Variants in FMNL1 observed in about 807,000 individuals in gnomAD.
FMNL1 encodes the protein formin like 1, also known as formin-like protein 1.
In FMNL1, 43 loss-of-function variants were observed where a neutral mutation model predicts 121.3. That is an observed-to-expected ratio of 0.35 (90% CI 0.28 to 0.46). FMNL1 has a LOEUF of 0.46. FMNL1 is among the 20% of genes least tolerant of loss of function. The pLI is 1.00. For synonymous variants in FMNL1, 613 were observed against 613.5 expected, an observed-to-expected ratio of 1.00 and a Z score of 0.01; for missense variants, 1,191 against 1,482.4, an observed-to-expected ratio of 0.80 and a Z score of 3.23.
chr17:45,222,440 C>A (rs979446715), intron 1 of FMNL1, among the ~76,000 whole-genome samples, 187 bp downstream of exon 1: 6 of 152,126 alleles, frequency 3.9e-5, no homozygotes, highest in Non-Finnish European at 8.8e-5. Context: ...ACTCTCCCCC[C>A]AAAACTTTCT....
At chr17:45,243,617 T>C (rs150878654) in intron 17 of FMNL1, among the ~76,000 whole-genome samples, 174 bp from the exon 18 acceptor site, 5 of 152,338 alleles carry the variant, frequency 3.3e-5, no homozygotes. Context: ...CAGTTCCCAG[T>C]TTCTCTGGAT....
intron 1 of FMNL1, among the ~76,000 whole-genome samples, chr17:45,227,404 G>C (rs1166587595): frequency 6.6e-6 from 1 of 152,056 alleles, no homozygotes; most frequent in Non-Finnish European, 1.5e-5. Flanking sequence ...GCAGATGCTG[G>C]GGGTCCCCTC....
rs35156005 is a variant in FMNL1 at position 45,237,148 on chromosome 17, TG to T, written c.724-131del. 123,399 of 731,350 alleles carry T rather than the reference TG, an allele frequency of 0.17. 13,312 individuals are homozygous for T. The highest frequency in any genetic ancestry group is 0.44 in the African/African-American group (24,432 of 55,842). The allele number at this position is 731,350 out of a possible 1,614,324, so 45.3% of individuals were successfully genotyped here. A position where few individuals can be genotyped will look rare whatever the true frequency, so the allele number is the denominator to read the frequency against. On this transcript the variant is annotated intron_variant, in intron 7 of 26. Transcript: ENST00000331495. The surrounding 1 kb of genome is among the most constrained non-coding windows in gnomAD (Gnocchi z 4.4). ...AAAAAATAGAAACAAGGCCAGGTTT[TG>T]GTGGCCACAGAAGTTGCGGTTGGAT...
In FMNL1 at chr17:45,241,552, C is replaced by T. The variant is rs1172278494; in HGVS notation, c.1503C>T (p.Ile501=). Reference sequence around the variant, plus strand: ...GGGGGCCGGGGGATGCTGTCTCCATCGAGATCCTCCCCGTCGCTGTGGCAA... The same window carrying T: ...GGGGGCCGGGGGATGCTGTCTCCATTGAGATCCTCCCCGTCGCTGTGGCAA... ...ILRGPGDAVS[I]EILPVAVATP... is the part of the protein sequence containing the mutation. Residue 501 remains isoleucine (I), a synonymous_variant, in exon 14 of 27, where the codon ATC becomes ATT. Transcript: ENST00000331495. The surrounding 1 kb of genome is among the most constrained non-coding windows in gnomAD (Gnocchi z 7.0). 3 of 1,572,130 alleles carry T rather than the reference C, an allele frequency of 1.9e-6. No individual in the cohort carries two copies. Among genetic ancestry groups the T allele is most frequent in the Admixed American group, 1.9e-5 (1 of 53,862 alleles).
At position 45,241,173 on chromosome 17, in the gene FMNL1, G is replaced by T; in HGVS notation, c.1275G>T (p.Lys425Asn). 6.2e-7 allele frequency: 1 copy of T among 1,614,178 alleles called. No individual in the cohort carries two copies. Among genetic ancestry groups the T allele is most frequent in the Non-Finnish European group, 8.5e-7 (1 of 1,179,996 alleles). Reference sequence around the variant, plus strand: ...ACGCGGAGAACGAATCCATGGCCAAGATTGCAGAACTGGAAAAACAGCTAA... The same window carrying T: ...ACGCGGAGAACGAATCCATGGCCAATATTGCAGAACTGGAAAAACAGCTAA... ...LRDAENESMA[K>N]IAELEKQLSQ... is the part of the protein sequence containing the mutation. Residue 425 changes from lysine (K) to asparagine (N), a missense_variant, in exon 13 of 27, where the codon AAG becomes AAT. Around this residue, in one of 4 missense-constraint regions of FMNL1, gnomAD observed 519 missense variants for 492.8 expected, o/e 1.05. Coordinates refer to ENST00000331495, the MANE Select transcript of FMNL1 (RefSeq NM_005892.4). This position sits in a 1 kb window ranked among gnomAD's most constrained non-coding sequence, Gnocchi z 7.0.
chr17:45,234,056 T>C lies in FMNL1; in HGVS notation c.486-16T>C, dbSNP rs772872778. On this transcript the variant is annotated splice_polypyrimidine_tract_variant and intron_variant, in intron 5 of 26. Coordinates refer to ENST00000331495, the MANE Select transcript of FMNL1 (RefSeq NM_005892.4). ...CTGCAGTGTTGGCCTCCAGCCCCAT[T>C]GCATCCTGTCCCCAGGTATGACATG... 1.2e-6 allele frequency: 2 copies of C among 1,613,244 alleles called. No homozygotes were observed. Among genetic ancestry groups the C allele is most frequent in the Non-Finnish European group, 1.7e-6 (2 of 1,179,496 alleles).
rs753733911 is a variant in FMNL1 at position 45,239,002 on chromosome 17, C to T, written c.1017C>T (p.Asn339=). 5 of 1,614,076 alleles carry T rather than the reference C, an allele frequency of 3.1e-6. No individual in the cohort carries two copies. The African/African-American group carries it at 5.3e-5, about 17-fold the overall frequency. ...ACATTGTGGTACATTCGGTGGAGAA[C>T]ATGAACTTCCGTGTCTTCCTGCAAT... ...FINIVVHSVE[N]MNFRVFLQYE... Residue 339 remains asparagine (N), a synonymous_variant, in exon 11 of 27, where the codon AAC becomes AAT. Coordinates refer to ENST00000331495, the MANE Select transcript of FMNL1 (RefSeq NM_005892.4).
At chr17:45,232,341 CTG>C (rs767820564) in intron 2 of FMNL1, 24 bp from the exon 3 acceptor site, 4 of 1,609,730 alleles carry the variant, frequency 2.5e-6, no homozygotes, top group Admixed American at 1.7e-5. Context: ...GGCTGGTTTT[CTG>C]TACACCCCAT....
rs2143548347 is a variant in FMNL1, at chr17:45,241,507, G to A, written c.1458G>A (p.Lys486=). Residue 486 remains lysine (K), a synonymous_variant, in exon 14 of 27, where the codon AAG becomes AAA. Transcript: ENST00000331495. The surrounding 1 kb of genome is among the most constrained non-coding windows in gnomAD (Gnocchi z 7.0). ...LELKVEELEE[K]GLIRILRGPG... ...TGAAGGTGGAGGAGCTGGAGGAGAA[G>A]GGGTTAATCCGTATTCTGCGGGGGC... 1 of 1,581,436 alleles carries A rather than the reference G, an allele frequency of 6.3e-7. No homozygotes were observed. The highest frequency in any genetic ancestry group is 8.6e-7 in the Non-Finnish European group (1 of 1,164,684).
Position 45,243,195 on chromosome 17 carries a change from G to T in FMNL1, c.2088G>T (p.Lys696Asn). 1 of 1,614,216 alleles carries T rather than the reference G, an allele frequency of 6.2e-7. No individual in the cohort carries two copies. The highest frequency in any genetic ancestry group is 1.1e-5 in the South Asian group (1 of 91,086). ...CCAGCCTGGACCTCAGCGCTCTCAA[G>T]AGTAAGGCAGCCCAGAAGGCCCCCA... ...QGPSLDLSAL[K>N]SKAAQKAPSK... The change falls in exon 17 of 27, where the codon AAG becomes AAT. Residue 696 changes from lysine (K) to asparagine (N), a missense_variant. Physicochemically the swap from Lys to Asn is moderately conservative, Grantham distance 94. This residue lies in a region of FMNL1 where 519 missense variants were observed against 492.8 expected (regional missense o/e 1.05). Coordinates refer to ENST00000331495, the MANE Select transcript of FMNL1 (RefSeq NM_005892.4).
chr17:45,237,773 A>G lies in FMNL1; in HGVS notation c.894+134A>G. The stretch of plus-strand genomic sequence containing the variant: ...CATTTGGGGAACGCCCAAAAGTTGA[A>G]GTTGAGCCACATCACTGGCTCAGCA... On this transcript the variant is annotated intron_variant, in intron 9 of 26. Transcript: ENST00000331495. This position sits in a 1 kb window ranked among gnomAD's most constrained non-coding sequence, Gnocchi z 4.4. The G allele has an allele frequency of 2.2e-6, 2 of 923,118 alleles. No homozygotes were observed. The highest frequency in any genetic ancestry group is 3.4e-6 in the Non-Finnish European group (2 of 590,524). 57.2% of individuals were successfully genotyped at this position (923,118 alleles called of 1,614,324 possible).
Position 45,222,252 on chromosome 17 carries a change from TG to T in FMNL1, c.129+1del. 1.7e-6 allele frequency: 2 copies of T among 1,176,760 alleles called. No homozygotes were observed. Among genetic ancestry groups the T allele is most frequent in the Non-Finnish European group, 1.1e-6 (1 of 951,426 alleles). 72.9% of individuals were successfully genotyped at this position (1,176,760 alleles called of 1,614,324 possible). A position where few individuals can be genotyped will look rare whatever the true frequency, so the allele number is the denominator to read the frequency against. On this transcript the variant is annotated frameshift_variant and splice_region_variant, in exon 1 of 27. Transcript: ENST00000331495. LOFTEE classifies it high-confidence loss of function. The stretch of plus-strand genomic sequence containing the variant: ...CTGGAGGAGAGGTTCAACCGCGCCC[TG>T]GTGAGTGCGACCCGGAGGCGGGTCG... ...GELEERFNRA[L>X]NCMNLPPDKV...
chr17:45,230,732 G>A, intron 2 of FMNL1, 45 bp downstream of exon 2: 7 of 1,599,092 alleles, frequency 4.4e-6, no homozygotes, highest in Non-Finnish European at 6.0e-6. Flanking sequence ...CCCACTGTCA[G>A]TACCCCACCC....
At chr17:45,228,685 G>C (rs779051438) in intron 1 of FMNL1, among the ~76,000 whole-genome samples, 16 of 152,200 alleles carry the variant, frequency 1.1e-4, no homozygotes, top group Non-Finnish European at 1.6e-4. Context: ...ATTATGACTA[G>C]TTACTGCCCC....
chr17:45,241,802 G>A lies in FMNL1; in HGVS notation c.1586-45G>A. On this transcript the variant is annotated intron_variant, in intron 14 of 26. Coordinates refer to ENST00000331495, the MANE Select transcript of FMNL1 (RefSeq NM_005892.4). The surrounding 1 kb of genome is among the most constrained non-coding windows in gnomAD (Gnocchi z 7.0). ...GCGGAGAGGGGCCCACCCAAGTCAA[G>A]GAGCTGACTCGCGCCTCCCCCACGC... The A allele has an allele frequency of 1.4e-6, 2 of 1,403,572 alleles. No individual in the cohort carries two copies. The highest frequency in any genetic ancestry group is 1.5e-5 in the African/African-American group (1 of 67,122). The allele number at this position is 1,403,572 out of a possible 1,614,324, so 86.9% of individuals were successfully genotyped here. A position where few individuals can be genotyped will look rare whatever the true frequency, so the allele number is the denominator to read the frequency against.
At chr17:45,238,123 C>T (rs1265381714) in intron 9 of FMNL1, 3 of 192,836 alleles carry the variant, frequency 1.6e-5, no homozygotes, top group Non-Finnish European at 3.2e-5. Context: ...TAGGGAAAGA[C>T]AGAAACGATA....
chr17:45,228,060 G>A (rs989012696), intron 1 of FMNL1, among the ~76,000 whole-genome samples: 1 of 152,124 alleles, frequency 6.6e-6, no homozygotes, highest in Non-Finnish European at 1.5e-5. Context: ...CCCATCCCAT[G>A]GTGCTGCTGC....
In FMNL1 at chr17:45,237,251, T is replaced by C. The variant is rs768936426; in HGVS notation, c.724-30T>C. The C allele has an allele frequency of 6.2e-7, 1 of 1,611,514 alleles. No homozygotes were observed. The highest frequency in any genetic ancestry group is 1.3e-5 in the African/African-American group (1 of 74,868). ...GCCTGAAGTCCTGGGGGGCCCTTCC[T>C]GGAGACACTGACCTCTCCTCTCTCC... On this transcript the variant is annotated intron_variant, in intron 7 of 26. Coordinates refer to ENST00000331495, the MANE Select transcript of FMNL1 (RefSeq NM_005892.4). This position sits in a 1 kb window ranked among gnomAD's most constrained non-coding sequence, Gnocchi z 4.4.
At chr17:45,243,094 C>T (rs769195364) in intron 16 of FMNL1, 24 bp from the exon 17 acceptor site, 64 of 1,613,070 alleles carry the variant, frequency 4.0e-5, no homozygotes, top group Non-Finnish European at 5.1e-5. Context: ...CACCCAGCTC[C>T]GCCTCCTCAC....
Sources: allele counts gnomAD v4.1 joint callset (sites outside exome capture counted in the v4.1 genomes callset), GRCh38; gene constraint gnomAD v4.1.1; regional missense constraint gnomAD v4.1.1; non-coding constraint Gnocchi (gnomAD v3.1); transcripts MANE v1.5; gene names NCBI Gene and HGNC (gene_info 2026-07-23, HGNC 2026-07-21).